Variants in CRB1 observed in about 807,000 individuals in gnomAD.
CRB1 encodes the protein crumbs cell polarity complex component 1.
CRB1 carries 83 observed loss-of-function variants against 120.0 expected under a neutral mutation model. The observed-to-expected ratio is 0.69, with a 90% CI of 0.58 to 0.83. The LOEUF is 0.83. CRB1 is among the 40% of genes least tolerant of loss of function. CRB1 has a pLI of 0.00. For synonymous variants in CRB1, 625 were observed against 612.5 expected (o/e 1.02, Z -0.30); for missense variants, 1,699 against 1,687.6 (o/e 1.01, Z -0.12).
chr1:197,353,278 G>A (rs943384141), intron 4 of CRB1, among the ~76,000 whole-genome samples: 4 of 152,298 alleles, frequency 2.6e-5, no homozygotes, highest in Non-Finnish European at 5.9e-5. Flanking sequence ...TTCTAGAAGA[G>A]AGAAAAACAT....
chr1:197,353,814 T>TAAA (rs57274486), intron 4 of CRB1, among the ~76,000 whole-genome samples: 168 of 89,068 alleles, frequency 1.9e-3, no homozygotes, highest in Middle Eastern at 0.013. Context: ...AATATATAAA[T>TAAA]AAAAAAAAAA....
At position 197,328,440 on chromosome 1, in the gene CRB1, A is replaced by G. The variant is rs774842265; in HGVS notation, c.89A>G (p.Asn30Ser). Residue 30 changes from asparagine to serine, a missense_variant, in exon 2 of 12, where the codon AAC (asparagine) becomes AGC (serine). Coordinates refer to ENST00000367400, the MANE Select transcript of CRB1 (RefSeq NM_201253.3). Reference sequence around the variant, plus strand: ...CTTGTAGATTCCTTTTGCAATAAAAACAACACCAGGTGCCTCTCAAATTCT... The same window carrying G: ...CTTGTAGATTCCTTTTGCAATAAAAGCAACACCAGGTGCCTCTCAAATTCT... The part of the protein sequence containing the change: ...IYIKNSFCNK[N>S]NTRCLSNSCQ... 2.5e-6 allele frequency: 4 copies of G among 1,613,780 alleles called. No homozygotes were observed. The highest frequency in any genetic ancestry group is 3.4e-6 in the Non-Finnish European group (4 of 1,179,674).
chr1:197,225,178 T>A, the CRB1 span, among the ~76,000 whole-genome samples: 1 of 152,034 alleles, frequency 6.6e-6, no homozygotes, highest in Non-Finnish European at 1.5e-5. Flanking sequence ...TCCACCGAGA[T>A]GGCCTGGCTC....
intron 5 of CRB1, chr1:197,363,778 C>G (rs1427443398): frequency 7.5e-6 from 5 of 667,862 alleles, no homozygotes; most frequent in African/African-American, 7.1e-5. Context: ...GGCAACGGGT[C>G]TTTGTGGCTC....
intron 11 of CRB1, chr1:197,444,809 C>A (rs1041785269): frequency 3.3e-5 from 5 of 151,938 alleles, no homozygotes; most frequent in African/African-American, 1.2e-4. Flanking sequence ...AAAATAAAAC[C>A]TTTGTTTCTG....
At chr1:197,367,255 G>A (rs1197626023) in intron 5 of CRB1, among the ~76,000 whole-genome samples, 1 of 152,140 alleles carries the variant, frequency 6.6e-6, no homozygotes, top group African/African-American at 2.4e-5. Context: ...CAGTTCTGGG[G>A]ATAAAATGAT....
At chr1:197,243,776 T>C in the CRB1 span, among the ~76,000 whole-genome samples, 1 of 152,188 alleles carries the variant, frequency 6.6e-6, no homozygotes, top group African/African-American at 2.4e-5. Flanking sequence ...AGTGGGTTGT[T>C]AAAGTCTCCC....
intron 11 of CRB1, among the ~76,000 whole-genome samples, chr1:197,453,375 A>ATG (rs1208877008): frequency 9.5e-5 from 14 of 147,558 alleles, no homozygotes; most frequent in African/African-American, 3.4e-4. Flanking sequence ...TAATTAAATT[A>ATG]TATATAATTA....
At chr1:197,254,341 T>C in the CRB1 span, among the ~76,000 whole-genome samples, 18 of 151,996 alleles carry the variant, frequency 1.2e-4, no homozygotes, top group Non-Finnish European at 2.4e-4. Context: ...TATAGCAAGA[T>C]ACAAGAAAAA....
intron 1 of CRB1, among the ~76,000 whole-genome samples, chr1:197,313,638 A>G (rs1657677204): frequency 6.6e-6 from 1 of 152,076 alleles, no homozygotes; most frequent in Non-Finnish European, 1.5e-5. Flanking sequence ...TCTGGTAACC[A>G]TCAGTCTACC....
chr1:197,365,595 C>CCTCCTT lies in CRB1; in HGVS notation c.1171+8597_1171+8602dup, dbSNP rs1179610325. Among the ~76,000 whole-genome samples, 25 of 145,712 alleles carry CCTCCTT rather than the reference C, an allele frequency of 1.7e-4. No individual in the cohort carries two copies. In the East Asian group the frequency reaches 3.1e-3, roughly 18 times the overall value. ...TTTCTTTTTTTCTCCTTCTCCTTCT[C>CCTCCTT]CTCCTTCTCCTTCTCCTTCTTCTTC... On this transcript the variant is annotated intron_variant, in intron 5 of 11. Coordinates refer to ENST00000367400, the MANE Select transcript of CRB1 (RefSeq NM_201253.3).
At chr1:197,412,554 C>G (rs1663763908) in intron 5 of CRB1, among the ~76,000 whole-genome samples, 1 of 152,192 alleles carries the variant, frequency 6.6e-6, no homozygotes. Context: ...AGAAATGCCT[C>G]TCCAAGTAGG....
At chr1:197,406,813 C>T (rs557771036) in intron 5 of CRB1, among the ~76,000 whole-genome samples, 17 of 151,902 alleles carry the variant, frequency 1.1e-4, no homozygotes, top group South Asian at 4.2e-4. Context: ...TATATTTTGC[C>T]GAATAGAGCA....
chr1:197,451,973 A>C (rs1289254643), intron 11 of CRB1, among the ~76,000 whole-genome samples: 1 of 152,214 alleles, frequency 6.6e-6, no homozygotes, highest in East Asian at 1.9e-4. Flanking sequence ...AATACGGTTA[A>C]ACTGACTCCA....
intron 2 of CRB1, among the ~76,000 whole-genome samples, chr1:197,333,242 T>C (rs1658967264): frequency 6.6e-6 from 1 of 152,234 alleles, no homozygotes; most frequent in South Asian, 2.1e-4. Flanking sequence ...TTATGCTTCA[T>C]GGGCAGTGAT....
chr1:197,476,262 A>G (rs1330952386), intron 11 of CRB1, among the ~76,000 whole-genome samples: 2 of 151,798 alleles, frequency 1.3e-5, no homozygotes, highest in African/African-American at 4.8e-5. Flanking sequence ...TAATCCTTCA[A>G]AGGACAATCA....
chr1:197,292,280 C>A (rs1270362279), intron 1 of CRB1, among the ~76,000 whole-genome samples: 1 of 152,128 alleles, frequency 6.6e-6, no homozygotes, highest in Admixed American at 6.6e-5. Context: ...TCAGAGAATA[C>A]TATAAACACC....
the CRB1 span, among the ~76,000 whole-genome samples, chr1:197,227,615 G>T: frequency 6.6e-6 from 1 of 152,096 alleles, no homozygotes; most frequent in African/African-American, 2.4e-5. Flanking sequence ...TCACAGGCTG[G>T]CATTCAGTGT....
intron 5 of CRB1, among the ~76,000 whole-genome samples, chr1:197,387,986 ATCTC>A (rs200901704): frequency 6.6e-6 from 1 of 151,068 alleles, no homozygotes; most frequent in African/African-American, 2.4e-5. Flanking sequence ...GTGTAAACTC[ATCTC>A]TCTCTCTCTC....
Sources: allele counts gnomAD v4.1 joint callset (sites outside exome capture counted in the v4.1 genomes callset), GRCh38; gene constraint gnomAD v4.1.1; transcripts MANE v1.5; gene names NCBI Gene and HGNC (gene_info 2026-07-23, HGNC 2026-07-21).